Variants in LRFN5 observed in about 807,000 individuals in gnomAD.
LRFN5 encodes leucine rich repeat and fibronectin type III domain containing 5, also known as leucine-rich repeat and fibronectin type-III domain-containing protein 5.
In LRFN5, 24 loss-of-function variants were observed where a neutral mutation model predicts 45.6. That is an observed-to-expected ratio of 0.53 (90% CI 0.38 to 0.74). LRFN5 has a LOEUF of 0.74. Among genes scored for constraint, LRFN5 ranks in the 30% least tolerant of loss-of-function variants. The pLI is 0.00. For missense variants in LRFN5, 776 were observed against 861.5 expected, an observed-to-expected ratio of 0.90 and a Z score of 1.24; for synonymous variants, 340 against 313.8, an observed-to-expected ratio of 1.08 and a Z score of -0.88.
At chr14:41,894,458 C>G in intron 4 of LRFN5, 1 of 954,290 alleles carries the variant, frequency 1.0e-6, no homozygotes, top group South Asian at 4.9e-5. Context: ...AAACCAAATG[C>G]TTGAACACTT....
intron 1 of LRFN5, among the ~76,000 whole-genome samples, chr14:41,756,259 T>C (rs1321795278): frequency 6.6e-6 from 1 of 152,180 alleles, no homozygotes; most frequent in Non-Finnish European, 1.5e-5. Context: ...GTTGCTCTTC[T>C]CGAGGAGTAT....
intron 2 of LRFN5, among the ~76,000 whole-genome samples, chr14:41,796,697 G>A (rs1887144228): frequency 1.3e-5 from 2 of 151,722 alleles, no homozygotes. Context: ...ACATATTATA[G>A]AATTCCGCAT....
intron 4 of LRFN5, chr14:41,894,122 T>A: frequency 1.0e-6 from 1 of 984,086 alleles, no homozygotes. Flanking sequence ...TACAAAAGCT[T>A]GCAAGACTTA....
At chr14:41,748,653 T>A (rs995326813) in intron 1 of LRFN5, among the ~76,000 whole-genome samples, 6 of 152,030 alleles carry the variant, frequency 3.9e-5, no homozygotes, top group African/African-American at 1.4e-4. Flanking sequence ...ATAGTAAATG[T>A]GTTGTGCATT....
chr14:41,904,319 T>G lies in LRFN5; in HGVS notation c.*144T>G, dbSNP rs1891190522. The stretch of plus-strand genomic sequence containing the variant: ...TTGTCTACAGGAGCCAAGGTGAAAG[T>G]CTCTGATGACGGCGGAACTGGCTCC... On this transcript the variant is annotated 3_prime_UTR_variant, in exon 6 of 6. Transcript: ENST00000298119. 1 of 1,030,780 alleles carries G rather than the reference T, an allele frequency of 9.7e-7. No homozygotes were observed. Among genetic ancestry groups the G allele is most frequent in the Admixed American group, 1.9e-5 (1 of 52,576 alleles). 63.9% of individuals were successfully genotyped at this position (1,030,780 alleles called of 1,614,324 possible).
chr14:41,710,447 G>T (rs17181588), intron 1 of LRFN5, among the ~76,000 whole-genome samples: 30,734 of 151,872 alleles, frequency 0.2, 3,339 homozygotes, highest in Non-Finnish European at 0.26. Flanking sequence ...TATGTATTCA[G>T]TAGAGGGTTT....
intron 1 of LRFN5, among the ~76,000 whole-genome samples, chr14:41,686,562 C>T (rs1882132930): frequency 6.6e-6 from 1 of 152,032 alleles, no homozygotes; most frequent in Admixed American, 6.6e-5. Flanking sequence ...AAAGGGAATG[C>T]TTCCCACTTT....
At chr14:41,814,649 T>C (rs1887854223) in intron 2 of LRFN5, among the ~76,000 whole-genome samples, 1 of 152,204 alleles carries the variant, frequency 6.6e-6, no homozygotes, top group Non-Finnish European at 1.5e-5. Context: ...TGGGCCTGTC[T>C]TGACAATTCG....
intron 1 of LRFN5, among the ~76,000 whole-genome samples, chr14:41,750,578 T>C (rs957189521): frequency 6.6e-6 from 1 of 152,126 alleles, no homozygotes; most frequent in Non-Finnish European, 1.5e-5. Context: ...TTTCATTGTA[T>C]TGTGATCTCA....
At chr14:41,731,097 C>T (rs1442782034) in intron 1 of LRFN5, among the ~76,000 whole-genome samples, 1 of 151,988 alleles carries the variant, frequency 6.6e-6, no homozygotes, top group Non-Finnish European at 1.5e-5. Flanking sequence ...TTCTTATGGA[C>T]AATGACAACA....
intron 1 of LRFN5, among the ~76,000 whole-genome samples, chr14:41,612,431 G>C (rs1370595695): frequency 1.3e-5 from 2 of 151,968 alleles, no homozygotes; most frequent in Non-Finnish European, 2.9e-5. Context: ...ACATATTGGC[G>C]TTATCTTCAG....
chr14:41,778,194 G>A (rs1886361372), intron 2 of LRFN5, among the ~76,000 whole-genome samples: 1 of 151,490 alleles, frequency 6.6e-6, no homozygotes, highest in African/African-American at 2.4e-5. Context: ...TTGATTCCCA[G>A]TCTGAATCTA....
At chr14:41,656,707 CATAATTA>C (rs1323421723) in intron 1 of LRFN5, among the ~76,000 whole-genome samples, 9 of 151,844 alleles carry the variant, frequency 5.9e-5, no homozygotes, top group African/African-American at 2.2e-4. Flanking sequence ...ATCAGTGTCC[CATAATTA>C]CTGGAACATA....
intron 1 of LRFN5, among the ~76,000 whole-genome samples, chr14:41,626,151 T>TTCATA (rs1888323663): frequency 6.6e-6 from 1 of 152,080 alleles, no homozygotes; most frequent in Non-Finnish European, 1.5e-5. Flanking sequence ...ACCTTGTTAA[T>TTCATA]GTAAAAATTC....
At chr14:41,705,932 C>A (rs1380522901) in intron 1 of LRFN5, among the ~76,000 whole-genome samples, 1 of 152,112 alleles carries the variant, frequency 6.6e-6, no homozygotes, top group Non-Finnish European at 1.5e-5. Flanking sequence ...TTTAAGCATA[C>A]CTTGTGGAAA....
chr14:41,677,763 C>A (rs1004625047), intron 1 of LRFN5, among the ~76,000 whole-genome samples: 2 of 151,736 alleles, frequency 1.3e-5, no homozygotes, highest in South Asian at 4.2e-4. Context: ...ATTAGACATA[C>A]AATATATATA....
At chr14:41,783,679 A>G (rs2138925168) in intron 2 of LRFN5, among the ~76,000 whole-genome samples, 1 of 151,696 alleles carries the variant, frequency 6.6e-6, no homozygotes, top group African/African-American at 2.4e-5. Flanking sequence ...CCTCTTTAAG[A>G]CTTCTTGCCC....
intron 2 of LRFN5, among the ~76,000 whole-genome samples, chr14:41,831,551 C>T (rs898490054): frequency 6.6e-6 from 1 of 152,108 alleles, no homozygotes; most frequent in Admixed American, 6.6e-5. Flanking sequence ...AGTATATACA[C>T]ATATCTCTAT....
chr14:41,627,620 A>G (rs1384628654), intron 1 of LRFN5, among the ~76,000 whole-genome samples: 2 of 152,096 alleles, frequency 1.3e-5, no homozygotes, highest in Non-Finnish European at 2.9e-5. Context: ...CCATAGCTAT[A>G]TTTATGTTTG....
Sources: gnomAD v4.1 joint callset for allele counts (sites outside exome capture counted in the v4.1 genomes callset) on GRCh38, gnomAD v4.1.1 for gene constraint, MANE v1.5 for transcripts, NCBI Gene and HGNC (gene_info 2026-07-23, HGNC 2026-07-21) for gene names.